The following ADAMTS3 variants were observed in gnomAD, a reference collection of about 807,000 sequenced individuals.
ADAMTS3 encodes A disintegrin and metalloproteinase with thrombospondin motifs 3.
In ADAMTS3, 73 loss-of-function variants were observed where a neutral mutation model predicts 129.0. The ratio of observed to expected loss-of-function variants is 0.57; its 90% CI spans 0.47 to 0.69. ADAMTS3 has a LOEUF of 0.69. ADAMTS3 is among the 30% of genes least tolerant of loss of function. The probability of loss-of-function intolerance (pLI) is 0.00; values close to 1 mark genes in which losing one functional copy is unlikely to be tolerated. For missense variants in ADAMTS3, 1,457 were observed against 1,514.5 expected, an observed-to-expected ratio of 0.96 and a Z score of 0.63; for synonymous variants, 477 against 510.8, an observed-to-expected ratio of 0.93 and a Z score of 0.89.
At chr4:72,435,566 A>G (rs1413910186) in intron 3 of ADAMTS3, among the ~76,000 whole-genome samples, 1 of 151,864 alleles carries the variant, frequency 6.6e-6, no homozygotes, top group African/African-American at 2.4e-5. Context: ...TTAGCTCTGT[A>G]TTAAAACTGT....
chr4:72,519,911 A>G (rs1192593115), intron 3 of ADAMTS3, among the ~76,000 whole-genome samples: 9 of 152,038 alleles, frequency 5.9e-5, no homozygotes, highest in Admixed American at 5.9e-4. Flanking sequence ...GAGGAGAGGC[A>G]CTCTGCTTTT....
At chr4:72,462,849 G>C (rs907282922) in intron 3 of ADAMTS3, among the ~76,000 whole-genome samples, 2 of 151,806 alleles carry the variant, frequency 1.3e-5, no homozygotes, top group African/African-American at 4.8e-5. Context: ...AAGTAAAAAA[G>C]TGACAGTAAG....
intron 5 of ADAMTS3, among the ~76,000 whole-genome samples, chr4:72,333,370 G>A (rs900357551): frequency 3.3e-5 from 5 of 151,970 alleles, no homozygotes; most frequent in African/African-American, 9.7e-5. Context: ...CTAAAAAAAC[G>A]TATAAATTAT....
chr4:72,285,128 T>C (rs1448558284), intron 21 of ADAMTS3, among the ~76,000 whole-genome samples: 2 of 152,210 alleles, frequency 1.3e-5, no homozygotes, highest in Non-Finnish European at 2.9e-5. Context: ...ATCCTTTTTC[T>C]AAAGTTAGAA....
intron 19 of ADAMTS3, among the ~76,000 whole-genome samples, chr4:72,294,628 A>C (rs1718759800): frequency 6.6e-6 from 1 of 152,080 alleles, no homozygotes; most frequent in South Asian, 2.1e-4. Flanking sequence ...ATGAGTAAAA[A>C]TGAGCACCAA....
At chr4:72,465,933 C>G (rs749473148) in intron 3 of ADAMTS3, among the ~76,000 whole-genome samples, 1 of 152,006 alleles carries the variant, frequency 6.6e-6, no homozygotes, top group Non-Finnish European at 1.5e-5. Flanking sequence ...GCTCCTCATT[C>G]AGCTTCTGCC....
At position 72,295,760 on chromosome 4, in the gene ADAMTS3, G is replaced by A. The variant is rs759621311; in HGVS notation, c.2617C>T (p.Arg873Cys). 9.3e-6 allele frequency: 15 copies of A among 1,612,024 alleles called. No homozygotes were observed. The highest frequency in any genetic ancestry group is 1.6e-4 in the Middle Eastern group (1 of 6,072). The change falls in exon 19 of 22, where the codon CGT becomes TGT. Residue 873 changes from arginine to cysteine, a missense_variant. By Grantham distance (180) the Arg-to-Cys change is radical. Transcript: ENST00000286657. The part of the protein sequence containing the change: ...GGFQYTKYGC[R>C]RKSDNKMVHR... ...ACCATTTTATTATCACTTTTCCTAC[G>A]GCATCCATATTTAGTGTACTGGAAA...
At chr4:72,528,966 GGCTAAAGAGAATATCAAAA>G (rs1428720554) in intron 3 of ADAMTS3, among the ~76,000 whole-genome samples, 1 of 152,034 alleles carries the variant, frequency 6.6e-6, no homozygotes. Context: ...TGCCAATAAT[GGCTAAAGAGAATATCAAAA>G]GCACCAATAT....
intron 3 of ADAMTS3, among the ~76,000 whole-genome samples, chr4:72,518,568 A>T (rs1037430365): frequency 5.9e-5 from 9 of 152,172 alleles, no homozygotes; most frequent in African/African-American, 2.2e-4. Flanking sequence ...TTCTTGTTGA[A>T]TTGATCCCTT....
At chr4:72,378,837 G>C (rs1405427448) in intron 4 of ADAMTS3, among the ~76,000 whole-genome samples, 1 of 152,118 alleles carries the variant, frequency 6.6e-6, no homozygotes, top group East Asian at 1.9e-4. Context: ...TCACAAAGCT[G>C]AAATCAAGAC....
Position 72,301,258 on chromosome 4 carries a change from T to C in ADAMTS3, c.2424+2659A>G, listed in dbSNP as rs1025997401. 2.0e-5 allele frequency among the ~76,000 whole-genome samples: 3 copies of C among 151,968 alleles called. No homozygotes were observed. In the East Asian group the frequency reaches 5.8e-4, roughly 29 times the overall value. ...AAATTTCATAACACCAAAATCTTTATCCACAAAAGAAAACATTAAAAAATT... is the reference window on the plus strand; with the variant it reads ...AAATTTCATAACACCAAAATCTTTACCCACAAAAGAAAACATTAAAAAATT... On this transcript the variant is annotated intron_variant, in intron 17 of 21. Coordinates refer to ENST00000286657, the MANE Select transcript of ADAMTS3 (RefSeq NM_014243.3).
chr4:72,281,396 T>G lies in ADAMTS3; in HGVS notation c.*1740A>C, dbSNP rs1718337534. 1 of 152,632 alleles carries G rather than the reference T, an allele frequency of 6.6e-6. No individual in the cohort carries two copies. Among genetic ancestry groups the G allele is most frequent in the Non-Finnish European group, 1.5e-5 (1 of 68,024 alleles). 9.5% of individuals were successfully genotyped at this position (152,632 alleles called of 1,614,324 possible). A position where few individuals can be genotyped will look rare whatever the true frequency, so the allele number is the denominator to read the frequency against. ...ACATTCTGTGCTTTGAGAGGTTAAT[T>G]CATCTACATTTTAGTTTGTATAATA... On this transcript the variant is annotated 3_prime_UTR_variant, in exon 22 of 22. Coordinates refer to ENST00000286657, the MANE Select transcript of ADAMTS3 (RefSeq NM_014243.3).
intron 3 of ADAMTS3, among the ~76,000 whole-genome samples, chr4:72,456,262 G>A (rs1718607976): frequency 7.2e-6 from 1 of 138,870 alleles, no homozygotes; most frequent in Non-Finnish European, 1.5e-5. Context: ...TATATATACT[G>A]TATATACTAT....
At chr4:72,351,017 C>T (rs1396606844) in intron 4 of ADAMTS3, among the ~76,000 whole-genome samples, 1 of 151,914 alleles carries the variant, frequency 6.6e-6, no homozygotes, top group Non-Finnish European at 1.5e-5. Flanking sequence ...TTGTTAGGCT[C>T]CACCTGGGTT....
At chr4:72,546,581 T>A (rs1293661976) in intron 3 of ADAMTS3, among the ~76,000 whole-genome samples, 1 of 152,074 alleles carries the variant, frequency 6.6e-6, no homozygotes, top group Non-Finnish European at 1.5e-5. Context: ...CACAACCAGT[T>A]CCCTCTGACG....
chr4:72,526,246 G>T (rs2109749879), intron 3 of ADAMTS3, among the ~76,000 whole-genome samples: 1 of 152,268 alleles, frequency 6.6e-6, no homozygotes, highest in Admixed American at 6.5e-5. Flanking sequence ...GCTATTTAAA[G>T]CTATAAGCAG....
At chr4:72,401,989 G>A (rs1419955907) in intron 4 of ADAMTS3, among the ~76,000 whole-genome samples, 2 of 152,092 alleles carry the variant, frequency 1.3e-5, no homozygotes, top group Non-Finnish European at 2.9e-5. Context: ...ACACTGAATC[G>A]ATCTCATTGA....
At chr4:72,542,238 C>T (rs1300607867) in intron 3 of ADAMTS3, among the ~76,000 whole-genome samples, 4 of 152,164 alleles carry the variant, frequency 2.6e-5, no homozygotes, top group Non-Finnish European at 5.9e-5. Context: ...AATCTCAGCT[C>T]ACTGCAAGCT....
Position 72,411,896 on chromosome 4 carries a change from T to A in ADAMTS3, c.661+2919A>T, listed in dbSNP as rs75959288. On this transcript the variant is annotated intron_variant, in intron 4 of 21. Transcript: ENST00000286657. ...ATCACAAAACTCCATCAGTTTTCCT[T>A]CAATTTCTACCCACTTGGTTCTATC... Among the ~76,000 whole-genome samples the A allele has an allele frequency of 7.2e-3, 1,096 of 152,216 alleles. 18 individuals are homozygous for A. The highest frequency in any genetic ancestry group is 0.025 in the African/African-American group (1,038 of 41,550).
Sources: allele counts gnomAD v4.1 joint callset (sites outside exome capture counted in the v4.1 genomes callset), GRCh38; gene constraint gnomAD v4.1.1; transcripts MANE v1.5; gene names NCBI Gene and HGNC (gene_info 2026-07-23, HGNC 2026-07-21).